Variants in SLC25A14 observed in about 807,000 individuals in gnomAD.
SLC25A14 encodes solute carrier family 25 member 14.
SLC25A14 carries 8 observed loss-of-function variants against 28.1 expected under a neutral mutation model. The observed-to-expected ratio is 0.28, with a 90% CI of 0.17 to 0.51. The LOEUF (loss-of-function observed/expected upper bound fraction) is 0.51. Ranked by LOEUF, SLC25A14 falls within the 20% of genes least tolerant of loss-of-function variation. SLC25A14 has a pLI of 0.97. For missense variants in SLC25A14, 135 were observed against 263.8 expected (o/e 0.51, Z 3.38); for synonymous variants, 74 against 90.6 (o/e 0.82, Z 1.04).
At chrX:130,365,308 G>C (rs1424829041) in intron 8 of SLC25A14, 1 of 959,532 alleles carries the variant, frequency 1.0e-6, no homozygotes, top group East Asian at 4.4e-5. Flanking sequence ...GTTAGGTTTA[G>C]AAACTCTCCT....
chrX:130,363,595 T>A (rs947867625), intron 7 of SLC25A14, among the ~76,000 whole-genome samples: 10 of 112,486 alleles, frequency 8.9e-5, no homozygotes, highest in African/African-American at 2.9e-4. Context: ...TATGGTAATC[T>A]GTGTTTAACT....
chrX:130,368,497 C>T lies in SLC25A14; in HGVS notation c.855+2821C>T, dbSNP rs144406402. ...AACCAAAATGTCCCTGTGTTTATGA[C>T]ACTTAGATTCTAATAGAAGGAGATA... On this transcript the variant is annotated intron_variant, in intron 9 of 10. Transcript: ENST00000545805. 1.5e-3 allele frequency among the ~76,000 whole-genome samples: 167 copies of T among 112,028 alleles called. 1 individual carries two copies. The highest frequency in any genetic ancestry group is 2.6e-3 in the Non-Finnish European group (137 of 53,204).
chrX:130,351,638 TAAC>T (rs1221199733), intron 6 of SLC25A14, among the ~76,000 whole-genome samples: 3 of 112,201 alleles, frequency 2.7e-5, no homozygotes, highest in East Asian at 5.5e-4. Flanking sequence ...CCCAAAGTTT[TAAC>T]AAATTATTTT....
chrX:130,358,030 C>T (rs1011245716), intron 6 of SLC25A14, among the ~76,000 whole-genome samples: 4 of 111,831 alleles, frequency 3.6e-5, no homozygotes, highest in Non-Finnish European at 7.5e-5. Context: ...TACTTGTAGC[C>T]TCACCACTCA....
chrX:130,371,488 G>A, intron 9 of SLC25A14, 76 bp from the exon 10 acceptor site: 1 of 711,372 alleles, frequency 1.4e-6, no homozygotes, highest in South Asian at 2.3e-5. Flanking sequence ...AAGTTGCCCT[G>A]GGGTGGGAGT....
At chrX:130,364,153 T>C (rs1257427947) in intron 7 of SLC25A14, among the ~76,000 whole-genome samples, 1 of 112,515 alleles carries the variant, frequency 8.9e-6, no homozygotes, top group Non-Finnish European at 1.9e-5. Flanking sequence ...TTCGTGTGCT[T>C]ATTGGCCATT....
At chrX:130,351,622 G>A (rs766595858) in intron 6 of SLC25A14, among the ~76,000 whole-genome samples, 2 of 112,044 alleles carry the variant, frequency 1.8e-5, no homozygotes, top group African/African-American at 6.5e-5. Flanking sequence ...AAATAAGTGA[G>A]GGGAACCCAA....
Position 130,340,282 on chromosome X carries a change from G to A in SLC25A14, c.4G>A (p.Gly2Ser), listed in dbSNP as rs377228654. 1.3e-5 allele frequency: 16 copies of A among 1,208,718 alleles called. No individual in the cohort carries two copies. The highest frequency in any genetic ancestry group is 1.5e-5 in the Non-Finnish European group (13 of 893,866). The change falls in exon 2 of 11, where the codon GGT (glycine) becomes AGT (serine). Residue 2 changes from glycine (G) to serine (S), a missense_variant. Gly to Ser is a moderately conservative substitution (Grantham distance 56, BLOSUM62 0). Coordinates refer to ENST00000545805, the MANE Select transcript of SLC25A14 (RefSeq NM_001282195.2). Reference sequence around the variant, plus strand: ...GATCCTGCTACCCAGAGGGTGAATGGGTATCTTTCCCGGAATAATCCTAAT... The same window carrying A: ...GATCCTGCTACCCAGAGGGTGAATGAGTATCTTTCCCGGAATAATCCTAAT... M[G>S]IFPGIILIFL...
chrX:130,361,423 T>A (rs960505962), intron 7 of SLC25A14, among the ~76,000 whole-genome samples: 2 of 112,669 alleles, frequency 1.8e-5, no homozygotes, highest in African/African-American at 6.4e-5. Context: ...CAAAGTACAT[T>A]GTTGAATGTA....
At chrX:130,356,530 A>G (rs1292272433) in intron 6 of SLC25A14, among the ~76,000 whole-genome samples, 4 of 111,194 alleles carry the variant, frequency 3.6e-5, no homozygotes, top group African/African-American at 1.3e-4. Flanking sequence ...CGCCTGGCCA[A>G]GGACAACTTT....
intron 6 of SLC25A14, among the ~76,000 whole-genome samples, chrX:130,358,053 TGTAA>T (rs964499231): frequency 6.2e-5 from 7 of 112,093 alleles, no homozygotes; most frequent in African/African-American, 9.7e-5. Flanking sequence ...CATAAACCAC[TGTAA>T]GTATTTAGTT....
intron 5 of SLC25A14, among the ~76,000 whole-genome samples, chrX:130,350,401 G>A (rs899310340): frequency 2.7e-5 from 3 of 111,666 alleles, no homozygotes; most frequent in Non-Finnish European, 5.7e-5. Flanking sequence ...AGAAAAGGAC[G>A]TGTTCCAGTG....
Position 130,354,208 on chromosome X carries a change from G to A in SLC25A14, c.498+3477G>A, listed in dbSNP as rs1374365181. On this transcript the variant is annotated intron_variant, in intron 6 of 10. Coordinates refer to ENST00000545805, the MANE Select transcript of SLC25A14 (RefSeq NM_001282195.2). ...GGCTCACTGCAAGCTCCGCCTCCCGGGTTCACGCCATTCTCCTGCCTCAGC... is the reference window on the plus strand; with the variant it reads ...GGCTCACTGCAAGCTCCGCCTCCCGAGTTCACGCCATTCTCCTGCCTCAGC... Among the ~76,000 whole-genome samples, 7 of 109,243 alleles carry A rather than the reference G, an allele frequency of 6.4e-5. No homozygotes were observed. The South Asian group carries it at 2.0e-3, about 31-fold the overall frequency. 94.9% of individuals were successfully genotyped at this position (109,243 alleles called of 115,157 possible).
At chrX:130,369,632 G>C (rs1430207257) in intron 9 of SLC25A14, among the ~76,000 whole-genome samples, 1 of 112,008 alleles carries the variant, frequency 8.9e-6, no homozygotes, top group Non-Finnish European at 1.9e-5. Flanking sequence ...GCTGAGATCT[G>C]AATGATGATG....
chrX:130,343,094 T>C (rs1173884646), intron 2 of SLC25A14, among the ~76,000 whole-genome samples: 1 of 111,753 alleles, frequency 8.9e-6, no homozygotes, highest in Non-Finnish European at 1.9e-5. Context: ...GAAGTTCCGA[T>C]AGAGGCTTTC....
chrX:130,359,000 A>G, intron 7 of SLC25A14: 1 of 1,033,482 alleles, frequency 9.7e-7, no homozygotes, highest in South Asian at 2.0e-5. Flanking sequence ...TGTTCAGTGT[A>G]TTTTTTTGCA....
intron 6 of SLC25A14, among the ~76,000 whole-genome samples, chrX:130,354,270 C>T (rs1219033576): frequency 9.0e-5 from 10 of 110,543 alleles, no homozygotes; most frequent in Non-Finnish European, 1.5e-4. Context: ...CCCGCCACCA[C>T]ACCTGGCTAA....
rs1269138510 is a variant in SLC25A14 at position 130,373,025 on chromosome X, T to A, written c.*75T>A. On this transcript the variant is annotated 3_prime_UTR_variant, in exon 11 of 11. Coordinates refer to ENST00000545805, the MANE Select transcript of SLC25A14 (RefSeq NM_001282195.2). ...CCCTTTTCCCGTGTTCTAATGTATT[T>A]TGACAATGTTGTAAGTGTTTACCAA... 4.5e-5 allele frequency: 36 copies of A among 802,749 alleles called. No homozygotes were observed. The highest frequency in any genetic ancestry group is 6.6e-5 in the Non-Finnish European group (36 of 544,226). 66.2% of individuals were successfully genotyped at this position (802,749 alleles called of 1,213,427 possible).
At chrX:130,353,322 C>T (rs936428257) in intron 6 of SLC25A14, among the ~76,000 whole-genome samples, 1 of 111,976 alleles carries the variant, frequency 8.9e-6, no homozygotes, top group African/African-American at 3.3e-5. Flanking sequence ...TTCTACCTTA[C>T]AGGTGTAAAC....
Sources: gnomAD v4.1 joint callset for allele counts (sites outside exome capture counted in the v4.1 genomes callset) on GRCh38, gnomAD v4.1.1 for gene constraint, MANE v1.5 for transcripts, NCBI Gene and HGNC (gene_info 2026-07-23, HGNC 2026-07-21) for gene names.